Variants in MIPOL1 observed in about 807,000 individuals in gnomAD.
MIPOL1 encodes the protein mirror-image polydactyly gene 1 protein.
MIPOL1 carries 57 observed loss-of-function variants against 60.9 expected under a neutral mutation model. That is an observed-to-expected ratio of 0.94 (90% CI 0.76 to 1.17). The LOEUF is 1.17. Ranked by LOEUF, MIPOL1 falls within the 50% of genes most tolerant of loss-of-function variation. The pLI is 0.00. For synonymous variants in MIPOL1, 179 were observed against 168.8 expected (o/e 1.06, Z -0.47); for missense variants, 551 against 511.6 (o/e 1.08, Z -0.74).
intron 9 of MIPOL1, among the ~76,000 whole-genome samples, chr14:37,359,176 C>G (rs144226120): frequency 6.6e-6 from 1 of 152,212 alleles, no homozygotes; most frequent in African/African-American, 2.4e-5. Flanking sequence ...GGCCTCTGTT[C>G]TGTTCGATTG....
At chr14:37,545,963 C>T (rs1198203271) in intron 12 of MIPOL1, 3 of 257,604 alleles carry the variant, frequency 1.2e-5, no homozygotes. Context: ...ATGATATTTA[C>T]TTATAAGGAA....
chr14:37,275,487 T>C (rs1204347526), intron 6 of MIPOL1, among the ~76,000 whole-genome samples: 1 of 151,404 alleles, frequency 6.6e-6, no homozygotes, highest in East Asian at 1.9e-4. Context: ...TTTGCATCCA[T>C]TAATTTGCTC....
At chr14:37,327,454 C>T (rs1047526398) in intron 9 of MIPOL1, among the ~76,000 whole-genome samples, 1 of 152,032 alleles carries the variant, frequency 6.6e-6, no homozygotes, top group African/African-American at 2.4e-5. Context: ...CACCCGGCTA[C>T]TTTTTGATTT....
chr14:37,369,414 GTCTTTTAGAGAATACAATGATATT>G, intron 9 of MIPOL1, 79 bp from the exon 10 acceptor site: 1 of 585,960 alleles, frequency 1.7e-6, no homozygotes, highest in South Asian at 3.2e-5. Context: ...AAAAAACCTT[GTCTTTTAGAGAATACAATGATATT>G]ATTTACATTA....
intron 1 of MIPOL1, among the ~76,000 whole-genome samples, chr14:37,237,458 A>ACCTTTGAC (rs1475009645): frequency 1.3e-5 from 2 of 152,056 alleles, no homozygotes; most frequent in African/African-American, 4.8e-5. Context: ...GTTGCTGTAA[A>ACCTTTGAC]CCTTTGACTA....
intron 12 of MIPOL1, among the ~76,000 whole-genome samples, chr14:37,543,909 G>A (rs1023648997): frequency 1.1e-4 from 17 of 152,140 alleles, no homozygotes; most frequent in Admixed American, 1.1e-3. Flanking sequence ...AATATACCAA[G>A]TTTTTCTTAA....
chr14:37,500,464 A>G (rs190615509), intron 12 of MIPOL1, among the ~76,000 whole-genome samples: 30 of 152,284 alleles, frequency 2.0e-4, no homozygotes, highest in African/African-American at 7.2e-4. Context: ...GAGGCAGTCA[A>G]GTTACCACCT....
At chr14:37,503,478 A>G (rs1486049783) in intron 12 of MIPOL1, 5 of 152,192 alleles carry the variant, frequency 3.3e-5, no homozygotes, top group South Asian at 4.1e-4. Context: ...AGAATTTTCA[A>G]CCCAGAATTT....
intron 1 of MIPOL1, among the ~76,000 whole-genome samples, chr14:37,200,687 T>TTTA (rs1179994388): frequency 1.0e-4 from 15 of 148,116 alleles, no homozygotes; most frequent in African/African-American, 3.7e-4. Flanking sequence ...TTTTTTTTTT[T>TTTA]AACACAGTCC....
chr14:37,364,027 G>T (rs1195886328), intron 9 of MIPOL1, among the ~76,000 whole-genome samples: 1 of 152,180 alleles, frequency 6.6e-6, no homozygotes, highest in Non-Finnish European at 1.5e-5. Context: ...CATTTTTCCA[G>T]GTACAGTCTG....
intron 9 of MIPOL1, among the ~76,000 whole-genome samples, chr14:37,325,523 C>G (rs1019956742): frequency 6.7e-6 from 1 of 149,534 alleles, no homozygotes; most frequent in Non-Finnish European, 1.5e-5. Context: ...TCTTTCCTTC[C>G]TTTCTTTTTT....
chr14:37,266,152 T>C (rs986650529), intron 3 of MIPOL1, among the ~76,000 whole-genome samples: 2 of 152,158 alleles, frequency 1.3e-5, no homozygotes, highest in Non-Finnish European at 2.9e-5. Flanking sequence ...CCTCTAAGAT[T>C]GAAGAAGATA....
At chr14:37,517,326 A>T (rs2095377526) in intron 12 of MIPOL1, among the ~76,000 whole-genome samples, 1 of 152,200 alleles carries the variant, frequency 6.6e-6, no homozygotes, top group African/African-American at 2.4e-5. Context: ...ACAGAAAGGG[A>T]GAAAAATTAT....
chr14:37,515,326 T>C (rs1405537096), intron 12 of MIPOL1, among the ~76,000 whole-genome samples: 2 of 151,962 alleles, frequency 1.3e-5, no homozygotes, highest in African/African-American at 4.8e-5. Context: ...TGTAGACTAC[T>C]TTAGCAGGTC....
chr14:37,442,579 G>T (rs1308997493), intron 11 of MIPOL1, among the ~76,000 whole-genome samples: 1 of 151,764 alleles, frequency 6.6e-6, no homozygotes. Context: ...TTATCCTGAA[G>T]GGATGTTGAA....
chr14:37,459,887 C>T (rs1008534636), intron 11 of MIPOL1, among the ~76,000 whole-genome samples: 10 of 151,894 alleles, frequency 6.6e-5, no homozygotes, highest in Non-Finnish European at 1.2e-4. Flanking sequence ...CCAGCCTGGC[C>T]GACATGGTGA....
At chr14:37,287,566 A>G (rs2084677955) in intron 7 of MIPOL1, among the ~76,000 whole-genome samples, 4 of 152,178 alleles carry the variant, frequency 2.6e-5, no homozygotes, top group Admixed American at 2.0e-4. Flanking sequence ...ATCACTGAAT[A>G]TTGAAAAATA....
At chr14:37,303,722 G>C (rs2086533536) in intron 7 of MIPOL1, among the ~76,000 whole-genome samples, 1 of 151,472 alleles carries the variant, frequency 6.6e-6, no homozygotes, top group African/African-American at 2.4e-5. Context: ...AATATTTATT[G>C]ACTATACTGT....
intron 10 of MIPOL1, among the ~76,000 whole-genome samples, chr14:37,383,532 C>G (rs189679804): frequency 3.3e-5 from 5 of 151,786 alleles, no homozygotes; most frequent in Non-Finnish European, 5.9e-5. Flanking sequence ...ATATGATGGT[C>G]AGGTTTTAAG....
Sources: gnomAD v4.1 joint callset for allele counts (sites outside exome capture counted in the v4.1 genomes callset) on GRCh38, gnomAD v4.1.1 for gene constraint, MANE v1.5 for transcripts, NCBI Gene and HGNC (gene_info 2026-07-23, HGNC 2026-07-21) for gene names.